The following SUGP1 variants were observed in gnomAD, a reference collection of about 807,000 sequenced individuals.
SUGP1 encodes SURP and G-patch domain containing 1, also known as SURP and G-patch domain-containing protein 1.
SUGP1 carries 34 observed loss-of-function variants against 76.5 expected under a neutral mutation model. That is an observed-to-expected ratio of 0.44 (90% CI 0.34 to 0.59). SUGP1 has a LOEUF of 0.59. Among genes scored for constraint, SUGP1 ranks in the 20% least tolerant of loss-of-function variants. SUGP1 has a pLI of 0.01. For missense variants in SUGP1, 752 were observed against 851.7 expected (o/e 0.88, Z 1.46); for synonymous variants, 326 against 326.2 (o/e 1.00, Z 0.01).
intron 7 of SUGP1, among the ~76,000 whole-genome samples, chr19:19,298,658 C>T (rs890294274): frequency 6.6e-6 from 1 of 152,154 alleles, no homozygotes; most frequent in Admixed American, 6.5e-5. Flanking sequence ...TCATGGTACA[C>T]GTGTGACCCA....
chr19:19,292,262 G>A (rs1166894845), intron 8 of SUGP1, among the ~76,000 whole-genome samples: 1 of 135,878 alleles, frequency 7.4e-6, no homozygotes, highest in Non-Finnish European at 1.5e-5. Flanking sequence ...GACAGAGTGA[G>A]ACTCCGTCTC....
intron 1 of SUGP1, among the ~76,000 whole-genome samples, chr19:19,319,970 G>A (rs954100197): frequency 2.0e-5 from 3 of 152,116 alleles, no homozygotes; most frequent in African/African-American, 7.2e-5. Flanking sequence ...TCTGCTGATG[G>A]GTAAATGCAT....
chr19:19,284,454 C>T (rs1172157275), intron 8 of SUGP1, among the ~76,000 whole-genome samples: 9 of 151,344 alleles, frequency 5.9e-5, no homozygotes, highest in Admixed American at 5.9e-4. Flanking sequence ...GCATAAGGAC[C>T]ACTGTTAAAA....
intron 3 of SUGP1, among the ~76,000 whole-genome samples, chr19:19,307,892 T>C (rs955510078): frequency 8.5e-5 from 13 of 152,288 alleles, no homozygotes; most frequent in Admixed American, 7.8e-4. Flanking sequence ...CTCGAACTCC[T>C]GACTTGAGGA....
intron 8 of SUGP1, among the ~76,000 whole-genome samples, chr19:19,293,927 G>A (rs1468455662): frequency 2.0e-5 from 3 of 152,290 alleles, no homozygotes; most frequent in South Asian, 4.1e-4. Context: ...GCTCATGCCT[G>A]TAATCCCAGC....
chr19:19,280,597 T>A, intron 8 of SUGP1: 2 of 325,632 alleles, frequency 6.1e-6, no homozygotes, highest in South Asian at 1.1e-4. Flanking sequence ...AGCTAACGAG[T>A]GACAGGGCAG....
At chr19:19,316,855 C>T (rs1331074708) in intron 1 of SUGP1, among the ~76,000 whole-genome samples, 4 of 152,096 alleles carry the variant, frequency 2.6e-5, no homozygotes, top group Middle Eastern at 3.4e-3. Context: ...AAGTAACTTT[C>T]GGGCTGGTGC....
intron 1 of SUGP1, among the ~76,000 whole-genome samples, chr19:19,319,585 G>A (rs1200965928): frequency 6.6e-6 from 1 of 151,366 alleles, no homozygotes; most frequent in Non-Finnish European, 1.5e-5. Flanking sequence ...AATTCGCTGT[G>A]TGGTGGCGCG....
Position 19,297,121 on chromosome 19 carries a change from C to A in SUGP1, c.1111G>T (p.Gly371Trp), listed in dbSNP as rs773238000. Residue 371 changes from glycine (G) to tryptophan (W), a missense_variant, in exon 8 of 14, where the codon GGG becomes TGG. Physicochemically the swap from Gly to Trp is radical, Grantham distance 184 (BLOSUM62 -2). Coordinates refer to ENST00000247001, the MANE Select transcript of SUGP1 (RefSeq NM_172231.4). ...PTIIPAPAAP[G>W]KPASAATVKR... Reference sequence around the variant, plus strand: ...ACGGTGGCTGCGGAGGCTGGCTTCCCGGGGGCAGCTGGAGCAGGGATGATA... The same window carrying A: ...ACGGTGGCTGCGGAGGCTGGCTTCCAGGGGGCAGCTGGAGCAGGGATGATA... 1 of 1,613,844 alleles carries A rather than the reference C, an allele frequency of 6.2e-7. No homozygotes were observed. Among genetic ancestry groups the A allele is most frequent in the East Asian group, 2.2e-5 (1 of 44,882 alleles).
At chr19:19,290,618 C>T (rs922866550) in intron 8 of SUGP1, among the ~76,000 whole-genome samples, 16 of 149,584 alleles carry the variant, frequency 1.1e-4, no homozygotes, top group South Asian at 2.1e-4. Flanking sequence ...CACTCCAGCC[C>T]GGATAAAAGA....
At chr19:19,283,730 A>G (rs112860492) in intron 8 of SUGP1, among the ~76,000 whole-genome samples, 1 of 152,182 alleles carries the variant, frequency 6.6e-6, no homozygotes, top group African/African-American at 2.4e-5. Flanking sequence ...TTGGGATTAC[A>G]GGCGTGAGCC....
At chr19:19,299,065 C>A (rs1352431918) in intron 7 of SUGP1, among the ~76,000 whole-genome samples, 1 of 152,238 alleles carries the variant, frequency 6.6e-6, no homozygotes, top group Non-Finnish European at 1.5e-5. Flanking sequence ...CTAATCCCAC[C>A]CTGAACCCAG....
chr19:19,303,976 C>T (rs369340101), intron 4 of SUGP1, 129 bp from the exon 5 acceptor site: 9 of 1,595,756 alleles, frequency 5.6e-6, no homozygotes, highest in African/African-American at 2.7e-5. Flanking sequence ...GGCTGTCGGG[C>T]GTCCCGAGTC....
intron 2 of SUGP1, among the ~76,000 whole-genome samples, chr19:19,311,030 C>T (rs1599870143): frequency 6.6e-6 from 1 of 151,800 alleles, no homozygotes. Flanking sequence ...CAGGCATGTG[C>T]CACTCTGCCT....
intron 8 of SUGP1, among the ~76,000 whole-genome samples, chr19:19,283,274 C>CT (rs908723426): frequency 1.3e-4 from 20 of 150,958 alleles, no homozygotes; most frequent in African/African-American, 4.4e-4. Context: ...TAGATGAAAT[C>CT]TTTTTTTTTG....
At chr19:19,299,028 C>G (rs1260722298) in intron 7 of SUGP1, among the ~76,000 whole-genome samples, 1 of 152,210 alleles carries the variant, frequency 6.6e-6, no homozygotes, top group African/African-American at 2.4e-5. Flanking sequence ...CGGCTGGGTG[C>G]ACCACCAAGG....
At chr19:19,287,452 C>T (rs1307193093) in intron 8 of SUGP1, among the ~76,000 whole-genome samples, 1 of 152,252 alleles carries the variant, frequency 6.6e-6, no homozygotes, top group Non-Finnish European at 1.5e-5. Context: ...ATCCCAGCTA[C>T]TCGGGAGGCT....
intron 3 of SUGP1, among the ~76,000 whole-genome samples, chr19:19,307,500 G>A (rs1331301947): frequency 1.3e-5 from 2 of 152,034 alleles, no homozygotes; most frequent in African/African-American, 2.4e-5. Flanking sequence ...GGAACAAAAC[G>A]CACACTATGT....
chr19:19,293,790 T>A (rs2061204151), intron 8 of SUGP1, among the ~76,000 whole-genome samples: 1 of 152,134 alleles, frequency 6.6e-6, no homozygotes, highest in Non-Finnish European at 1.5e-5. Flanking sequence ...GCCAGAGGAA[T>A]TAGGCAGAAA....
Sources: gnomAD v4.1 joint callset for allele counts (sites outside exome capture counted in the v4.1 genomes callset) on GRCh38, gnomAD v4.1.1 for gene constraint, MANE v1.5 for transcripts, NCBI Gene and HGNC (gene_info 2026-07-23, HGNC 2026-07-21) for gene names.